The following THOC1 variants were observed in gnomAD, a reference collection of about 807,000 sequenced individuals.
THOC1 encodes THO complex subunit 1.
In THOC1, 29 loss-of-function variants were observed where a neutral mutation model predicts 97.3. That is an observed-to-expected ratio of 0.30 (90% CI 0.22 to 0.41). THOC1 has a LOEUF of 0.41. THOC1 is among the 10% of genes least tolerant of loss of function. The pLI, the probability that THOC1 is intolerant of heterozygous loss-of-function variation, is 1.00. For missense variants in THOC1, 529 were observed against 761.9 expected (o/e 0.69, Z 3.60); for synonymous variants, 255 against 257.0 (o/e 0.99, Z 0.07).
intron 19 of THOC1, among the ~76,000 whole-genome samples, chr18:215,966 ATT>A (rs774553054): frequency 1.3e-5 from 2 of 152,122 alleles, no homozygotes; most frequent in Non-Finnish European, 2.9e-5. Flanking sequence ...ACGAACTTTA[ATT>A]TTTTGAGACG....
At chr18:223,996 C>T in intron 16 of THOC1, 88 bp downstream of exon 16, 1 of 964,436 alleles carries the variant, frequency 1.0e-6, no homozygotes, top group South Asian at 1.4e-5. Context: ...CAATCTCATA[C>T]TATATTTTGG....
intron 1 of THOC1, 122 bp downstream of exon 1, chr18:267,844 G>T (rs1912830290): frequency 1.9e-6 from 2 of 1,027,664 alleles, no homozygotes; most frequent in South Asian, 3.7e-5. Context: ...GGCCCGGAGC[G>T]GACGCTGAGG....
intron 9 of THOC1, among the ~76,000 whole-genome samples, chr18:248,287 T>A (rs1912160671): frequency 6.6e-6 from 1 of 152,206 alleles, no homozygotes; most frequent in Non-Finnish European, 1.5e-5. Context: ...GCGGAAGTCA[T>A]ATGTGCAACT....
chr18:230,922 T>G (rs918056324), intron 11 of THOC1, among the ~76,000 whole-genome samples: 1 of 152,154 alleles, frequency 6.6e-6, no homozygotes, highest in Admixed American at 6.5e-5. Context: ...TTTAAATTTT[T>G]TGTAGAGACA....
intron 11 of THOC1, among the ~76,000 whole-genome samples, chr18:239,002 G>A: frequency 6.6e-6 from 1 of 152,136 alleles, no homozygotes; most frequent in East Asian, 1.9e-4. Context: ...AGGCTAAAAT[G>A]AAACTTTCTA....
intron 7 of THOC1, among the ~76,000 whole-genome samples, chr18:257,037 G>A (rs1912458986): frequency 1.3e-5 from 2 of 152,182 alleles, no homozygotes; most frequent in African/African-American, 2.4e-5. Context: ...AGTACGGTAT[G>A]TACATTTTTT....
chr18:223,478 A>G lies in THOC1; in HGVS notation c.1332T>C (p.Leu444=). Residue 444 remains leucine, a synonymous_variant, in exon 17 of 21, where the codon CTT becomes CTC. Transcript: ENST00000261600. ...GNEELTRLWN[L]CPDNMEACKS... ...TACAGGCTTCCATATTATCAGGGCA[A>G]AGATTCCAAAGCCTTGTTAACTCCT... is the stretch of plus-strand genomic sequence containing the variant. 1 of 1,561,134 alleles carries G rather than the reference A, an allele frequency of 6.4e-7. No homozygotes were observed.
intron 11 of THOC1, chr18:246,007 T>G: frequency 5.8e-6 from 1 of 171,434 alleles, no homozygotes; most frequent in South Asian, 1.8e-4. Context: ...ATAATAATTA[T>G]GAAATATTTT....
intron 1 of THOC1, among the ~76,000 whole-genome samples, chr18:267,327 C>T (rs1219709566): frequency 1.3e-5 from 2 of 152,152 alleles, no homozygotes; most frequent in South Asian, 4.1e-4. Context: ...CCAACTTAGC[C>T]TACTTCACAG....
chr18:218,926 C>T lies in THOC1; in HGVS notation c.1414G>A (p.Glu472Lys). 1 of 1,606,534 alleles carries T rather than the reference C, an allele frequency of 6.2e-7. No homozygotes were observed. The highest frequency in any genetic ancestry group is 8.5e-7 in the Non-Finnish European group (1 of 1,175,888). The change falls in exon 18 of 21, where the codon GAA becomes AAA. Residue 472 changes from glutamate to lysine, a missense_variant. Around this residue, in one of 8 missense-constraint regions of THOC1, gnomAD observed 123 missense variants for 159.0 expected, o/e 0.77. Coordinates refer to ENST00000261600, the MANE Select transcript of THOC1 (RefSeq NM_005131.3). The stretch of plus-strand genomic sequence containing the variant: ...ACCATATTTTCAGGGTCTGCCTGTT[C>T]AATGGCTTCTTCAAAGAATTCCTCC... ...TLEEFFEEAI[E>K]QADPENMVEN...
chr18:221,679 A>G (rs562670119), intron 17 of THOC1, among the ~76,000 whole-genome samples: 24 of 139,076 alleles, frequency 1.7e-4, no homozygotes, highest in East Asian at 1.7e-3. Context: ...TGCGATCTCG[A>G]CTCACTGCAA....
Position 214,862 on chromosome 18 carries a change from T to C in THOC1, c.1738A>G (p.Lys580Glu). Residue 580 changes from lysine (K) to glutamate (E), a missense_variant, in exon 21 of 21, where the codon AAG (lysine) becomes GAG (glutamate). Lys to Glu is a moderately conservative substitution (Grantham distance 56). Around this residue, in one of 8 missense-constraint regions of THOC1, gnomAD observed 98 missense variants for 111.9 expected, o/e 0.88. Transcript: ENST00000261600. ...AGAATCTTCCATTGTTCACCCAGCT[T>C]GTTGGCAAATACCTCTATTTGTTCT... ...TGEQIEVFAN[K>E]LGEQWKILAP... is the part of the protein sequence containing the mutation. The C allele has an allele frequency of 6.2e-7, 1 of 1,613,960 alleles. No homozygotes were observed. Among genetic ancestry groups the C allele is most frequent in the Non-Finnish European group, 8.5e-7 (1 of 1,179,884 alleles).
intron 1 of THOC1, among the ~76,000 whole-genome samples, chr18:266,432 A>C (rs925970541): frequency 2.0e-5 from 3 of 152,180 alleles, no homozygotes; most frequent in Non-Finnish European, 4.4e-5. Context: ...GCAAAATCTC[A>C]GGCTCCCTTC....
intron 1 of THOC1, 30 bp downstream of exon 1, chr18:267,936 C>G (rs745672414): frequency 1.1e-4 from 170 of 1,594,360 alleles, no homozygotes; most frequent in Non-Finnish European, 1.4e-4. Context: ...AGCGCCGGGT[C>G]AGGCCTGCAC....
intron 11 of THOC1, among the ~76,000 whole-genome samples, chr18:229,204 A>G (rs1911398123): frequency 6.6e-6 from 1 of 152,172 alleles, no homozygotes; most frequent in Admixed American, 6.5e-5. Context: ...TGGTTTCTGT[A>G]TCTACAACCT....
chr18:234,208 A>G (rs910940255), intron 11 of THOC1, among the ~76,000 whole-genome samples: 6 of 152,186 alleles, frequency 3.9e-5, no homozygotes, highest in African/African-American at 1.2e-4. Flanking sequence ...GTAGACAATT[A>G]TATTGTCTTC....
rs1188025320 is a variant in THOC1 at position 259,250 on chromosome 18, G to T, written c.450C>A (p.Ser150=). 1.2e-6 allele frequency: 2 copies of T among 1,610,664 alleles called. No homozygotes were observed. Among genetic ancestry groups the T allele is most frequent in the African/African-American group, 2.7e-5 (2 of 74,748 alleles). Residue 150 remains serine, a synonymous_variant, in exon 7 of 21, where the codon TCC becomes TCA. Coordinates refer to ENST00000261600, the MANE Select transcript of THOC1 (RefSeq NM_005131.3). ...CNDLLRRLSK[S]QNTVFCGRIQ... ...TCCGTCCACAGAAGACTGTATTCTG[G>T]GATTTAGACAATCTTCTTAGGAGAT...
chr18:249,094 G>A (rs186369358), intron 9 of THOC1, among the ~76,000 whole-genome samples: 1 of 152,282 alleles, frequency 6.6e-6, no homozygotes, highest in East Asian at 1.9e-4. Flanking sequence ...TAAACGGCTA[G>A]TATCTGAAGC....
At chr18:245,535 G>A (rs917259576) in intron 11 of THOC1, 3 of 152,260 alleles carry the variant, frequency 2.0e-5, no homozygotes, top group Admixed American at 2.0e-4. Context: ...CTTGGCAGAA[G>A]ACTGGCAATA....
Sources: allele counts gnomAD v4.1 joint callset (sites outside exome capture counted in the v4.1 genomes callset), GRCh38; gene constraint gnomAD v4.1.1; regional missense constraint gnomAD v4.1.1; transcripts MANE v1.5; gene names NCBI Gene and HGNC (gene_info 2026-07-23, HGNC 2026-07-21).